Variants in PRKN observed in about 807,000 individuals in gnomAD.
PRKN encodes the protein E3 ubiquitin-protein ligase parkin.
In PRKN, 56 loss-of-function variants were observed where a neutral mutation model predicts 59.5. The observed-to-expected ratio is 0.94, with a 90% CI of 0.76 to 1.18. PRKN has a LOEUF of 1.18. Among genes scored for constraint, PRKN ranks in the 50% most tolerant of loss-of-function variants. The pLI is 0.00. For synonymous variants in PRKN, 250 were observed against 222.1 expected (o/e 1.13, Z -1.12); for missense variants, 657 against 596.4 (o/e 1.10, Z -1.06).
chr6:161,962,064 G>A (rs550668137), intron 6 of PRKN, among the ~76,000 whole-genome samples: 80 of 152,258 alleles, frequency 5.3e-4, no homozygotes, highest in African/African-American at 1.7e-3. Flanking sequence ...CCCTTGCTGC[G>A]ATAAATGAAT....
At chr6:161,433,593 C>T (rs184254529) in intron 9 of PRKN, among the ~76,000 whole-genome samples, 3 of 151,978 alleles carry the variant, frequency 2.0e-5, no homozygotes, top group Non-Finnish European at 4.4e-5. Context: ...GTATGAGGCC[C>T]GATATAAACT....
At chr6:162,276,287 T>C (rs1170007081) in intron 2 of PRKN, among the ~76,000 whole-genome samples, 3 of 152,176 alleles carry the variant, frequency 2.0e-5, no homozygotes, top group African/African-American at 7.2e-5. Context: ...TAATTACTCA[T>C]TATTTTAGAC....
intron 2 of PRKN, among the ~76,000 whole-genome samples, chr6:162,285,937 TG>T (rs1033118384): frequency 6.6e-6 from 1 of 152,114 alleles, no homozygotes; most frequent in Admixed American, 6.6e-5. Flanking sequence ...GATGGAGAGA[TG>T]GGCAAAATAC....
intron 4 of PRKN, among the ~76,000 whole-genome samples, chr6:162,147,416 T>C (rs1247742445): frequency 1.3e-5 from 2 of 151,782 alleles, no homozygotes; most frequent in Non-Finnish European, 2.9e-5. Flanking sequence ...AATCTCTTTC[T>C]TTAGTTGATT....
chr6:162,352,715 T>C (rs138999246), intron 2 of PRKN, among the ~76,000 whole-genome samples: 229 of 152,310 alleles, frequency 1.5e-3, no homozygotes, highest in African/African-American at 5.2e-3. Context: ...TTCTTTTCCA[T>C]TGCTCTTCTC....
chr6:162,380,219 A>C (rs1418846486), intron 2 of PRKN, among the ~76,000 whole-genome samples: 4 of 151,942 alleles, frequency 2.6e-5, no homozygotes. Context: ...TAGGGCAAGT[A>C]AATTTGAAAT....
rs980122208 is a variant in PRKN at position 161,562,977 on chromosome 6, A to G, written c.933+6378T>C. On this transcript the variant is annotated intron_variant, in intron 8 of 11. Transcript: ENST00000366898. The surrounding 1 kb of genome is among the most constrained non-coding windows in gnomAD (Gnocchi z 4.3). ...GTCCAGGTGGCCTTCATCTTTTGGC[A>G]CTGTCCTTCCTGCTCAGTATTTTCC... Among the ~76,000 whole-genome samples the G allele has an allele frequency of 6.6e-6, 1 of 152,132 alleles. No individual in the cohort carries two copies. The highest frequency in any genetic ancestry group is 1.5e-5 in the Non-Finnish European group (1 of 68,020).
Position 161,451,969 on chromosome 6 carries a change from T to C in PRKN, c.1084-65092A>G, listed in dbSNP as rs1202752178. 6.6e-6 allele frequency among the ~76,000 whole-genome samples: 1 copy of C among 152,028 alleles called. No individual in the cohort carries two copies. The highest frequency in any genetic ancestry group is 1.5e-5 in the Non-Finnish European group (1 of 68,034). ...CTTTTTTCTTTTCTTTTCTTTTCTTTTTTTGGGATGGAGTCTCACTCTGTT... is the reference window on the plus strand; with the variant it reads ...CTTTTTTCTTTTCTTTTCTTTTCTTCTTTTGGGATGGAGTCTCACTCTGTT... On this transcript the variant is annotated intron_variant, in intron 9 of 11. Transcript: ENST00000366898. The surrounding 1 kb of genome is among the most constrained non-coding windows in gnomAD (Gnocchi z 5.9).
intron 1 of PRKN, among the ~76,000 whole-genome samples, chr6:162,707,129 G>A (rs1228086324): frequency 6.7e-6 from 1 of 149,164 alleles, no homozygotes; most frequent in Non-Finnish European, 1.5e-5. Context: ...TGAGAAAAAA[G>A]CAGAGTTTCC....
In PRKN at chr6:162,304,399, GC is replaced by G. The variant is rs569118654; in HGVS notation, c.172-41635del. On this transcript the variant is annotated intron_variant, in intron 2 of 11. Coordinates refer to ENST00000366898, the MANE Select transcript of PRKN (RefSeq NM_004562.3). ...CTTTATTTTAACACTGCTGCCTATGGCTATTAGAAAAAGTTGTTTCACACAT... is the reference window on the plus strand; with the variant it reads ...CTTTATTTTAACACTGCTGCCTATGGTATTAGAAAAAGTTGTTTCACACAT... Among the ~76,000 whole-genome samples, 62 of 150,736 alleles carry G rather than the reference GC, an allele frequency of 4.1e-4. 2 individuals carry two copies. Among genetic ancestry groups the G allele is most frequent in the Non-Finnish European group, 4.6e-4 (31 of 67,576 alleles).
chr6:162,150,412 G>C (rs1782219508), intron 4 of PRKN, among the ~76,000 whole-genome samples: 1 of 152,196 alleles, frequency 6.6e-6, no homozygotes, highest in Admixed American at 6.5e-5. Context: ...CTTGAGGGCA[G>C]AATCTTCCTC....
intron 1 of PRKN, among the ~76,000 whole-genome samples, chr6:162,557,422 C>T (rs1167957969): frequency 1.3e-5 from 2 of 152,226 alleles, no homozygotes; most frequent in East Asian, 3.9e-4. Context: ...CGTGGTCTTG[C>T]CCTGAACCCC....
chr6:161,366,143 T>C (rs1288069423), intron 10 of PRKN, among the ~76,000 whole-genome samples: 1 of 152,312 alleles, frequency 6.6e-6, no homozygotes, highest in East Asian at 1.9e-4. Flanking sequence ...CGTGCCCTTA[T>C]TAAAGCAACC....
chr6:162,378,532 T>C (rs1043087737), intron 2 of PRKN, among the ~76,000 whole-genome samples: 2 of 152,240 alleles, frequency 1.3e-5, no homozygotes, highest in African/African-American at 4.8e-5. Context: ...ATTAATCCAG[T>C]TTATTTTAAG....
chr6:161,920,517 G>A lies in PRKN; in HGVS notation c.734+52785C>T, dbSNP rs1175240254. On this transcript the variant is annotated intron_variant, in intron 6 of 11. Coordinates refer to ENST00000366898, the MANE Select transcript of PRKN (RefSeq NM_004562.3). ...AAAACATGGTACCCCTGGGCCGGGCGCAGTGGCTCATGCCGGTAATCCCAG... is the reference window on the plus strand; with the variant it reads ...AAAACATGGTACCCCTGGGCCGGGCACAGTGGCTCATGCCGGTAATCCCAG... Among the ~76,000 whole-genome samples the A allele has an allele frequency of 2.0e-5, 3 of 152,220 alleles. No individual in the cohort carries two copies. The East Asian group carries it at 5.8e-4, about 29-fold the overall frequency.
intron 6 of PRKN, among the ~76,000 whole-genome samples, chr6:161,964,765 G>A (rs576179781): frequency 3.9e-4 from 60 of 152,010 alleles, no homozygotes; most frequent in Middle Eastern, 6.8e-3. Context: ...CTTTTTGTAC[G>A]TATACCTGAG....
intron 2 of PRKN, among the ~76,000 whole-genome samples, chr6:162,366,598 T>C (rs12205305): frequency 0.5 from 76,429 of 151,934 alleles, 19,557 homozygotes; most frequent in African/African-American, 0.53. Flanking sequence ...ACCTATAAAG[T>C]GGTGTTTATA....
At chr6:162,010,190 G>T (rs1349612321) in intron 5 of PRKN, among the ~76,000 whole-genome samples, 1 of 136,788 alleles carries the variant, frequency 7.3e-6, no homozygotes, top group Admixed American at 8.3e-5. Context: ...ATTTGCTTTG[G>T]AACAAATTTC....
rs530828649 is a variant in PRKN at position 162,469,601 on chromosome 6, T to C, written c.8-26128A>G. Among the ~76,000 whole-genome samples, 6 of 151,962 alleles carry C rather than the reference T, an allele frequency of 3.9e-5. No individual in the cohort carries two copies. The South Asian group carries it at 1.2e-3, about 32-fold the overall frequency. ...GCAGCAACCTGGATGGGAATGGAGATGATTCTTCTAAGTGAAGTAACTCAG... is the reference window on the plus strand; with the variant it reads ...GCAGCAACCTGGATGGGAATGGAGACGATTCTTCTAAGTGAAGTAACTCAG... On this transcript the variant is annotated intron_variant, in intron 1 of 11. Coordinates refer to ENST00000366898, the MANE Select transcript of PRKN (RefSeq NM_004562.3).
Sources: allele counts gnomAD v4.1 joint callset (sites outside exome capture counted in the v4.1 genomes callset), GRCh38; gene constraint gnomAD v4.1.1; non-coding constraint Gnocchi (gnomAD v3.1); transcripts MANE v1.5; gene names NCBI Gene and HGNC (gene_info 2026-07-23, HGNC 2026-07-21).